CDH23: variants seen among roughly 807,000 people sequenced by gnomAD.
The protein encoded by CDH23 is cadherin-23.
In CDH23, 189 loss-of-function variants were observed where a neutral mutation model predicts 317.1. The ratio of observed to expected loss-of-function variants is 0.60; its 90% CI spans 0.53 to 0.67. The LOEUF (loss-of-function observed/expected upper bound fraction) is 0.67. CDH23 is among the 30% of genes least tolerant of loss of function. The pLI, the probability that CDH23 is intolerant of heterozygous loss-of-function variation, is 0.00. For synonymous variants in CDH23, 1,839 were observed against 1,876.8 expected, an observed-to-expected ratio of 0.98 and a Z score of 0.52; for missense variants, 4,401 against 4,592.4, an observed-to-expected ratio of 0.96 and a Z score of 1.20.
intron 6 of CDH23, among the ~76,000 whole-genome samples, chr10:71,515,392 TCTCACA>T (rs1416209791): frequency 3.7e-3 from 115 of 31,286 alleles, no homozygotes; most frequent in Admixed American, 6.9e-3. Flanking sequence ...TCTCTCTCTC[TCTCACA>T]CACACACACA....
At chr10:71,451,437 G>A (rs1330423739) in intron 3 of CDH23, among the ~76,000 whole-genome samples, 1 of 152,106 alleles carries the variant, frequency 6.6e-6, no homozygotes, top group African/African-American at 2.4e-5. Context: ...GTCAGACCTC[G>A]CCCCCACCCC....
chr10:71,774,049 G>A lies in CDH23; in HGVS notation c.4846-3631G>A, dbSNP rs993191135. Among the ~76,000 whole-genome samples the A allele has an allele frequency of 1.7e-3, 251 of 145,586 alleles. 1 individual carries two copies. The highest frequency in any genetic ancestry group is 6.0e-3 in the African/African-American group (237 of 39,268). On this transcript the variant is annotated intron_variant, in intron 38 of 69. Coordinates refer to ENST00000224721, the MANE Select transcript of CDH23 (RefSeq NM_022124.6). The stretch of plus-strand genomic sequence containing the variant: ...TGAGGCACCCTGAGTGCATGCGCGC[G>A]CGCACACACACACACACACACACAC...
At chr10:71,600,899 G>T (rs573853926) in intron 9 of CDH23, among the ~76,000 whole-genome samples, 8 of 152,294 alleles carry the variant, frequency 5.3e-5, no homozygotes, top group African/African-American at 1.9e-4. Context: ...TCTGTTTTCA[G>T]ACTGGGGGCT....
chr10:71,801,217 G>A (rs113718217), intron 53 of CDH23, among the ~76,000 whole-genome samples: 3,160 of 138,832 alleles, frequency 0.023, 117 homozygotes, highest in African/African-American at 0.082. Flanking sequence ...GTGCAATGGC[G>A]TGATCCGGCT....
intron 53 of CDH23, among the ~76,000 whole-genome samples, chr10:71,801,306 T>C (rs1841553408): frequency 6.6e-6 from 1 of 151,844 alleles, no homozygotes; most frequent in Non-Finnish European, 1.5e-5. Context: ...AGGCATGCGC[T>C]ACCACACCCG....
intron 38 of CDH23, chr10:71,755,071 A>G (rs1436110808): frequency 3.5e-6 from 2 of 568,990 alleles, no homozygotes; most frequent in Non-Finnish European, 3.3e-6. Flanking sequence ...TTATAAAGCA[A>G]CTTGAGCTAC....
At chr10:71,525,117 G>C (rs1643960747) in intron 6 of CDH23, among the ~76,000 whole-genome samples, 1 of 152,014 alleles carries the variant, frequency 6.6e-6, no homozygotes, top group Non-Finnish European at 1.5e-5. Flanking sequence ...CATTTGGCCA[G>C]GCTGGCCTTG....
At chr10:71,803,541 G>A in intron 55 of CDH23, 121 bp downstream of exon 55, 2 of 779,128 alleles carry the variant, frequency 2.6e-6, no homozygotes, top group Non-Finnish European at 3.9e-6. Flanking sequence ...GTAGCTCCAG[G>A]AAAAAAAAAA....
In CDH23 at chr10:71,785,051, T is replaced by C. The variant is rs121908352; in HGVS notation, c.5663T>C (p.Phe1888Ser). The change falls in exon 43 of 70, where the codon TTC becomes TCC. Residue 1888 changes from phenylalanine (F) to serine (S), a missense_variant. Around this residue, in one of 3 missense-constraint regions of CDH23, gnomAD observed 3,068 missense variants for 3,203.3 expected, o/e 0.96. Transcript: ENST00000224721. ...AGTGGCTGCAATGCACGCCTCACCT[T>C]CAACATCACTGCGGGCAACCGCGAG... ...ADSGCNARLT[F>S]NITAGNRERA... is the part of the protein sequence containing the mutation. The C allele has an allele frequency of 6.2e-7, 1 of 1,614,104 alleles. No homozygotes were observed. Among genetic ancestry groups the C allele is most frequent in the Non-Finnish European group, 8.5e-7 (1 of 1,179,908 alleles).
chr10:71,678,944 A>G (rs1864490351), intron 16 of CDH23, among the ~76,000 whole-genome samples: 1 of 152,148 alleles, frequency 6.6e-6, no homozygotes, highest in South Asian at 2.1e-4. Flanking sequence ...AAATTAGATA[A>G]GAAATTACCA....
intron 24 of CDH23, among the ~76,000 whole-genome samples, chr10:71,703,672 T>C (rs1364183129): frequency 6.6e-6 from 1 of 152,162 alleles, no homozygotes; most frequent in African/African-American, 2.4e-5. Flanking sequence ...AGCTTGGTGG[T>C]GCCCCACAGG....
Position 71,554,606 on chromosome 10 carries a change from G to A in CDH23, c.430-12136G>A, listed in dbSNP as rs552934454. ...GGTTCAGAGACAGTGCCCTGGAACCGTGATGGCCCAGCTTCTGGACTACAG... is the reference window on the plus strand; with the variant it reads ...GGTTCAGAGACAGTGCCCTGGAACCATGATGGCCCAGCTTCTGGACTACAG... On this transcript the variant is annotated intron_variant, in intron 6 of 69. Transcript: ENST00000224721. 2.4e-4 allele frequency among the ~76,000 whole-genome samples: 37 copies of A among 152,296 alleles called. 1 individual carries two copies. The highest frequency in any genetic ancestry group is 6.3e-4 in the African/African-American group (26 of 41,562).
At chr10:71,402,761 A>G (rs1019086319) in intron 1 of CDH23, among the ~76,000 whole-genome samples, 2 of 150,744 alleles carry the variant, frequency 1.3e-5, no homozygotes, top group Admixed American at 6.6e-5. Context: ...GCGCGCGCGC[A>G]CATGCGCGTT....
chr10:71,583,492 C>A (rs1858797655), intron 9 of CDH23, among the ~76,000 whole-genome samples: 1 of 152,040 alleles, frequency 6.6e-6, no homozygotes, highest in African/African-American at 2.4e-5. Context: ...GGGTGTCCAG[C>A]TGAGAGACAG....
chr10:71,790,254 TG>T (rs1564794855), intron 45 of CDH23, 33 bp from the exon 46 acceptor site: 31 of 1,611,076 alleles, frequency 1.9e-5, no homozygotes, highest in Non-Finnish European at 2.5e-5. Context: ...GGGGCTGGGT[TG>T]GTCTTGTGGT....
chr10:71,716,313 C>T (rs979991212), intron 28 of CDH23: 37 of 1,500,502 alleles, frequency 2.5e-5, no homozygotes, highest in Admixed American at 1.1e-4. Context: ...GGGGAGCTGG[C>T]GAGGCTGGGG....
chr10:71,717,827 A>G (rs1290539985), intron 28 of CDH23: 2 of 152,158 alleles, frequency 1.3e-5, no homozygotes, highest in Non-Finnish European at 2.9e-5. Flanking sequence ...CAGCTAATTC[A>G]AATTTGTTGA....
chr10:71,497,307 G>A (rs1302153587), intron 3 of CDH23, among the ~76,000 whole-genome samples: 3 of 151,616 alleles, frequency 2.0e-5, no homozygotes, highest in Non-Finnish European at 4.4e-5. Flanking sequence ...TCAGGAGAGG[G>A]GAAAAAAAAC....
rs1418813268 is a variant in CDH23, at chr10:71,815,387, TG to T, written c.*113del. 9 of 1,103,972 alleles carry T rather than the reference TG, an allele frequency of 8.2e-6. No individual in the cohort carries two copies. The highest frequency in any genetic ancestry group is 3.2e-5 in the African/African-American group (2 of 63,124). The allele number at this position is 1,103,972 out of a possible 1,614,324, so 68.4% of individuals were successfully genotyped here. A position where few individuals can be genotyped will look rare whatever the true frequency, so the allele number is the denominator to read the frequency against. On this transcript the variant is annotated 3_prime_UTR_variant, in exon 70 of 70. Transcript: ENST00000224721. ...GGGGGGACCCTCCAAGGCCAGGCCT[TG>T]GGGACAACCTTGGCTTGGCCCTGGC...
Sources: allele counts gnomAD v4.1 joint callset (sites outside exome capture counted in the v4.1 genomes callset), GRCh38; gene constraint gnomAD v4.1.1; regional missense constraint gnomAD v4.1.1; transcripts MANE v1.5; gene names NCBI Gene and HGNC (gene_info 2026-07-23, HGNC 2026-07-21).